Variants in NR1D1 observed in about 807,000 individuals in gnomAD.
The protein encoded by NR1D1 is nuclear receptor subfamily 1 group D member 1, also known as Rev-ErbAalpha.
A neutral mutation model predicts 51.1 loss-of-function variants in NR1D1; 17 were observed. That is an observed-to-expected ratio of 0.33 (90% CI 0.23 to 0.50). The LOEUF (loss-of-function observed/expected upper bound fraction) is 0.50, where lower values mean the gene tolerates loss of function less well. Ranked by LOEUF, NR1D1 falls within the 20% of genes least tolerant of loss-of-function variation. The pLI is 0.98. For missense variants in NR1D1, 647 were observed against 830.4 expected (o/e 0.78, Z 2.71); for synonymous variants, 341 against 333.4 (o/e 1.02, Z -0.25).
In NR1D1 at chr17:40,097,262, C is replaced by T. The variant is rs1396889001; in HGVS notation, c.173G>A (p.Gly58Asp). Residue 58 changes from glycine to aspartate, a missense_variant, in exon 2 of 8, where the codon GGC (glycine) becomes GAC (aspartate). Physicochemically the swap from Gly to Asp is moderately conservative, Grantham distance 94. This residue lies in a region of NR1D1 where 98 missense variants were observed against 94.7 expected (regional missense o/e 1.03). Coordinates refer to ENST00000246672, the MANE Select transcript of NR1D1 (RefSeq NM_021724.5). ...GCGAGCCGGGTCTTGGGTGAGGGAG[C>T]CAGTGGGGGATGGTGGGAAGTAGGT... ...CPTYFPPSPT[G>D]SLTQDPARSF... 6.2e-7 allele frequency: 1 copy of T among 1,612,400 alleles called. No homozygotes were observed. The highest frequency in any genetic ancestry group is 1.7e-5 in the Admixed American group (1 of 59,926).
At chr17:40,098,099 C>T (rs1041129379) in intron 1 of NR1D1, among the ~76,000 whole-genome samples, 1 of 152,184 alleles carries the variant, frequency 6.6e-6, no homozygotes, top group African/African-American at 2.4e-5. Flanking sequence ...TAAAATTCCC[C>T]CTTCAGATCT....
rs373443634 is a variant in NR1D1, at chr17:40,095,617, G to A, written c.1075C>T (p.Arg359Cys). Residue 359 changes from arginine (R) to cysteine (C), a missense_variant, in exon 5 of 8, where the codon CGC (arginine) becomes TGC (cysteine). Arg to Cys is a radical substitution (Grantham distance 180, BLOSUM62 -3). Coordinates refer to ENST00000246672, the MANE Select transcript of NR1D1 (RefSeq NM_021724.5). ...GGAGGGTAGGAGGAGGGAGCCTGGC[G>A]CAGACCATTTAGGGCCTCGTTATGA... is the stretch of plus-strand genomic sequence containing the variant. ...QRHNEALNGL[R>C]QAPSSYPPTW... The A allele has an allele frequency of 3.2e-5, 52 of 1,611,746 alleles. No individual in the cohort carries two copies. In the Middle Eastern group the frequency reaches 4.9e-4, roughly 15 times the overall value.
At chr17:40,097,485 C>T in intron 1 of NR1D1, 82 bp from the exon 2 acceptor site, 1 of 1,111,508 alleles carries the variant, frequency 9.0e-7, no homozygotes, top group Non-Finnish European at 1.3e-6. Context: ...CCCCACCTGT[C>T]TGCCCAAAAC....
At chr17:40,095,141 A>G in intron 5 of NR1D1, 21 bp from the exon 6 acceptor site, 1 of 1,604,708 alleles carries the variant, frequency 6.2e-7, no homozygotes, top group Non-Finnish European at 8.5e-7. Flanking sequence ...AAAAGATTGA[A>G]GGAGGGGAGT....
At chr17:40,099,583 G>A (rs552148473) in intron 1 of NR1D1, among the ~76,000 whole-genome samples, 1 of 152,170 alleles carries the variant, frequency 6.6e-6, no homozygotes, top group African/African-American at 2.4e-5. Context: ...AGATCCGAAC[G>A]ATTCTCCCAG....
In NR1D1 at chr17:40,097,183, TGAG is replaced by T; in HGVS notation, c.249_251del (p.Ser93del). The T allele has an allele frequency of 6.2e-7, 1 of 1,611,432 alleles. No individual in the cohort carries two copies. The highest frequency in any genetic ancestry group is 8.5e-7 in the Non-Finnish European group (1 of 1,178,408). On this transcript the variant is annotated inframe_deletion, in exon 2 of 8. Transcript: ENST00000246672. ...AGGAGGAGGATGACGACGAGGAAGA[TGAG>T]GAAGAAGGGGAGCCGTCATCACTCA...
chr17:40,096,144 T>C, intron 4 of NR1D1, 57 bp from the exon 5 acceptor site: 1 of 1,569,800 alleles, frequency 6.4e-7, no homozygotes, highest in African/African-American at 1.4e-5. Context: ...CGTGCTTCTC[T>C]TCCTTCCTTC....
In NR1D1 at chr17:40,098,478, T is replaced by G. The variant is rs532006088; in HGVS notation, c.32-1075A>C. On this transcript the variant is annotated intron_variant, in intron 1 of 7. Transcript: ENST00000246672. ...AGCTCCCCCGGTTTCAGGGCTGAGG[T>G]GGGGGATGGAATCATTAGTTGGCAG... Among the ~76,000 whole-genome samples, 11 of 152,244 alleles carry G rather than the reference T, an allele frequency of 7.2e-5. 1 individual carries two copies. Among genetic ancestry groups the G allele is most frequent in the African/African-American group, 2.6e-4 (11 of 41,530 alleles).
At position 40,100,525 on chromosome 17, in the gene NR1D1, C is replaced by T. The variant is rs777551186; in HGVS notation, c.-431G>A. On this transcript the variant is annotated 5_prime_UTR_variant, in exon 1 of 8. Coordinates refer to ENST00000246672, the MANE Select transcript of NR1D1 (RefSeq NM_021724.5). ...AAGTAGGTGATGGGGAGAAACGGGG[C>T]ACCGAGTCGCAAAGAGGCGAGACGT... 1.8e-5 allele frequency: 8 copies of T among 444,872 alleles called. No homozygotes were observed. Among genetic ancestry groups the T allele is most frequent in the Non-Finnish European group, 3.2e-5 (8 of 251,464 alleles). 27.6% of individuals were successfully genotyped at this position (444,872 alleles called of 1,614,324 possible). A position where few individuals can be genotyped will look rare whatever the true frequency, so the allele number is the denominator to read the frequency against.
chr17:40,095,051 A>C lies in NR1D1; in HGVS notation c.1318T>G (p.Ser440Ala). 1 of 1,614,156 alleles carries C rather than the reference A, an allele frequency of 6.2e-7. No homozygotes were observed. Among genetic ancestry groups the C allele is most frequent in the Middle Eastern group, 1.6e-4 (1 of 6,062 alleles). ...CGCACAGCGGGCGTGAAGCTCATGGAGAAATCCTCCCAGATCTCCTGCACC... is the reference window on the plus strand; with the variant it reads ...CGCACAGCGGGCGTGAAGCTCATGGCGAAATCCTCCCAGATCTCCTGCACC... ...RTVQEIWEDF[S>A]MSFTPAVREV... Residue 440 changes from serine (S) to alanine (A), a missense_variant, in exon 6 of 8, where the codon TCC becomes GCC. Transcript: ENST00000246672.
Position 40,092,879 on chromosome 17 carries a change from T to G in NR1D1, c.*204A>C. 8.1e-7 allele frequency: 1 copy of G among 1,228,418 alleles called. No homozygotes were observed. Among genetic ancestry groups the G allele is most frequent in the Non-Finnish European group, 1.1e-6 (1 of 900,246 alleles). 76.1% of individuals were successfully genotyped at this position (1,228,418 alleles called of 1,614,324 possible). A position where few individuals can be genotyped will look rare whatever the true frequency, so the allele number is the denominator to read the frequency against. The stretch of plus-strand genomic sequence containing the variant: ...TGTGGGGGAGACAGAGTGGTTTAAA[T>G]AGGGGAGGAGGGGAAGTTCGGTGAT... On this transcript the variant is annotated 3_prime_UTR_variant, in exon 8 of 8. Transcript: ENST00000246672.
chr17:40,093,932 G>A lies in NR1D1; in HGVS notation c.1625C>T (p.Ala542Val), dbSNP rs772847032. 2 of 1,613,158 alleles carry A rather than the reference G, an allele frequency of 1.2e-6. No individual in the cohort carries two copies. The highest frequency in any genetic ancestry group is 1.7e-6 in the Non-Finnish European group (2 of 1,180,026). ...CCTACCTGCAGAGACAAGCACCACCGCGGTGAAGAGGCCCAGCTCCTCCTC... is the reference window on the plus strand; with the variant it reads ...CCTACCTGCAGAGACAAGCACCACCACGGTGAAGAGGCCCAGCTCCTCCTC... ...LTEEELGLFT[A>V]VVLVSADRSG... Residue 542 changes from alanine to valine, a missense_variant, in exon 7 of 8, where the codon GCG (alanine) becomes GTG (valine). By Grantham distance (64) the Ala-to-Val change is moderately conservative. Coordinates refer to ENST00000246672, the MANE Select transcript of NR1D1 (RefSeq NM_021724.5). This position sits in a 1 kb window ranked among gnomAD's most constrained non-coding sequence, Gnocchi z 5.9.
chr17:40,097,501 T>C lies in NR1D1; in HGVS notation c.32-98A>G, dbSNP rs1987789423. ...CCCACCTGTCTGCCCAAAACATTGC[T>C]GGCCACTCAGTTCACCATGTGGAGC... On this transcript the variant is annotated intron_variant, in intron 1 of 7. Coordinates refer to ENST00000246672, the MANE Select transcript of NR1D1 (RefSeq NM_021724.5). 6 of 933,510 alleles carry C rather than the reference T, an allele frequency of 6.4e-6. No homozygotes were observed. The Admixed American group carries it at 1.3e-4, about 20-fold the overall frequency. 57.8% of individuals were successfully genotyped at this position (933,510 alleles called of 1,614,324 possible). A position where few individuals can be genotyped will look rare whatever the true frequency, so the allele number is the denominator to read the frequency against.
At position 40,096,685 on chromosome 17, in the gene NR1D1, C is replaced by T; in HGVS notation, c.459+6G>A. ...TGCCCCTGCCCTTACCCCCAGTCCG[C>T]CTCACCTTGCAGCCCTCGCAGGCGT... is the stretch of plus-strand genomic sequence containing the variant. On this transcript the variant is annotated splice_donor_region_variant and intron_variant, in intron 3 of 7. Transcript: ENST00000246672. The T allele has an allele frequency of 6.2e-7, 1 of 1,614,210 alleles. No individual in the cohort carries two copies. Among genetic ancestry groups the T allele is most frequent in the Non-Finnish European group, 8.5e-7 (1 of 1,180,034 alleles).
At position 40,100,107 on chromosome 17, in the gene NR1D1, T is replaced by C; in HGVS notation, c.-13A>G. The C allele has an allele frequency of 6.2e-7, 1 of 1,608,318 alleles. No homozygotes were observed. The highest frequency in any genetic ancestry group is 8.5e-7 in the Non-Finnish European group (1 of 1,174,758). ...CCAGGGTCGTCATGTCTTCACCAGC[T>C]GAGAGCGGTCATTCAAACTGGACCT... On this transcript the variant is annotated 5_prime_UTR_variant, in exon 1 of 8. Coordinates refer to ENST00000246672, the MANE Select transcript of NR1D1 (RefSeq NM_021724.5).
In NR1D1 at chr17:40,100,413, C is replaced by G; in HGVS notation, c.-319G>C. 2.2e-6 allele frequency: 1 copy of G among 463,750 alleles called. No individual in the cohort carries two copies. Among genetic ancestry groups the G allele is most frequent in the Non-Finnish European group, 3.8e-6 (1 of 261,274 alleles). The allele number at this position is 463,750 out of a possible 1,614,324, so 28.7% of individuals were successfully genotyped here. A position where few individuals can be genotyped will look rare whatever the true frequency, so the allele number is the denominator to read the frequency against. On this transcript the variant is annotated 5_prime_UTR_variant, in exon 1 of 8. Transcript: ENST00000246672. ...CTCTGCAGTGTACGGGGTGCCTCTG[C>G]CTGCCGGCTCCGCAGCGCTGCGGGG...
intron 1 of NR1D1, among the ~76,000 whole-genome samples, chr17:40,099,347 C>G (rs1987830282): frequency 6.6e-6 from 1 of 152,160 alleles, no homozygotes; most frequent in Non-Finnish European, 1.5e-5. Flanking sequence ...GCCGGGGCGA[C>G]CGGGGGGGCG....
chr17:40,096,842 G>A (rs553290861), intron 2 of NR1D1, 63 bp from the exon 3 acceptor site: 103 of 1,512,308 alleles, frequency 6.8e-5, no homozygotes, highest in Non-Finnish European at 9.0e-5. Context: ...CAGGTGTGGA[G>A]GCTTTCTGGG....
rs994746702 is a variant in NR1D1 at position 40,093,276 on chromosome 17, G to A, written c.1652C>T (p.Ser551Leu). The A allele has an allele frequency of 3.1e-6, 5 of 1,613,560 alleles. No homozygotes were observed. The highest frequency in any genetic ancestry group is 1.3e-5 in the African/African-American group (1 of 74,928). The change falls in exon 8 of 8, where the codon TCG becomes TTG. Residue 551 changes from serine (S) to leucine (L), a missense_variant. Ser to Leu is a moderately radical substitution (Grantham distance 145, BLOSUM62 -2). Around this residue, in one of 7 missense-constraint regions of NR1D1, gnomAD observed 155 missense variants for 236.8 expected, o/e 0.65. Coordinates refer to ENST00000246672, the MANE Select transcript of NR1D1 (RefSeq NM_021724.5). This position sits in a 1 kb window ranked among gnomAD's most constrained non-coding sequence, Gnocchi z 5.9. Reference sequence around the variant, plus strand: ...CACCGAAGCGGAATTCTCCATGCCCGAGCGGTCTGTGGGGAAGACGACAGC... The same window carrying A: ...CACCGAAGCGGAATTCTCCATGCCCAAGCGGTCTGTGGGGAAGACGACAGC... ...TAVVLVSADR[S>L]GMENSASVEQ...
Sources: gnomAD v4.1 joint callset for allele counts (sites outside exome capture counted in the v4.1 genomes callset) on GRCh38, gnomAD v4.1.1 for gene constraint, gnomAD v4.1.1 regional missense constraint, Gnocchi (gnomAD v3.1) non-coding constraint, MANE v1.5 for transcripts, NCBI Gene and HGNC (gene_info 2026-07-23, HGNC 2026-07-21) for gene names.